The following SGK3 variants were observed in gnomAD, a reference collection of about 807,000 sequenced individuals.
SGK3 encodes the protein serum/glucocorticoid regulated kinase family member 3.
A neutral mutation model predicts 68.5 loss-of-function variants in SGK3; 47 were observed. That is an observed-to-expected ratio of 0.69 (90% confidence interval 0.54 to 0.87). SGK3 has a LOEUF of 0.87. SGK3 is among the 40% of genes least tolerant of loss of function. SGK3 has a pLI of 0.00. For missense variants in SGK3, 479 were observed against 575.5 expected (o/e 0.83, Z 1.72); for synonymous variants, 181 against 189.1 (o/e 0.96, Z 0.35).
chr8:66,723,111 ATATATATATATATATATATATTT>A (rs1348650353), intron 1 of SGK3, among the ~76,000 whole-genome samples: 1 of 46,492 alleles, frequency 2.2e-5, no homozygotes, highest in African/African-American at 8.8e-5. Context: ...ATATATATAT[ATATATATATATATATATATATTT>A]TTTTTTTTTT....
intron 1 of SGK3, among the ~76,000 whole-genome samples, chr8:66,782,992 C>T (rs1807053065): frequency 6.6e-6 from 1 of 152,116 alleles, no homozygotes; most frequent in Admixed American, 6.5e-5. Context: ...TGGGTAAATA[C>T]CAAGGAGTGC....
At chr8:66,815,671 T>C (rs1216090252) in intron 5 of SGK3, among the ~76,000 whole-genome samples, 1 of 152,192 alleles carries the variant, frequency 6.6e-6, no homozygotes, top group East Asian at 1.9e-4. Flanking sequence ...CGAGCGGGCA[T>C]GGAATAAGTA....
At chr8:66,851,981 T>C (rs1810308603) in intron 16 of SGK3, among the ~76,000 whole-genome samples, 1 of 152,172 alleles carries the variant, frequency 6.6e-6, no homozygotes. Flanking sequence ...CATAGCTGGA[T>C]AGTAGAGCCA....
chr8:66,777,092 T>G (rs1447593366), intron 1 of SGK3, among the ~76,000 whole-genome samples: 2 of 152,238 alleles, frequency 1.3e-5, no homozygotes, highest in African/African-American at 2.4e-5. Context: ...ACAATGTGGC[T>G]GCTAAGTTCA....
chr8:66,714,816 C>T (rs1205408822), intron 1 of SGK3, among the ~76,000 whole-genome samples: 1 of 152,050 alleles, frequency 6.6e-6, no homozygotes, highest in Non-Finnish European at 1.5e-5. Flanking sequence ...GAAACTGAGG[C>T]ATGGAAATGT....
At chr8:66,838,266 A>G (rs1809620806) in intron 10 of SGK3, among the ~76,000 whole-genome samples, 1 of 152,072 alleles carries the variant, frequency 6.6e-6, no homozygotes, top group Non-Finnish European at 1.5e-5. Context: ...GGGTTTCGCC[A>G]TGTTGGCCAG....
At chr8:66,748,575 G>A (rs1805715561) in intron 1 of SGK3, among the ~76,000 whole-genome samples, 1 of 152,076 alleles carries the variant, frequency 6.6e-6, no homozygotes, top group Non-Finnish European at 1.5e-5. Flanking sequence ...CCAGCATCTC[G>A]ATCCTCCTGG....
chr8:66,832,138 A>G (rs1809327504), intron 8 of SGK3, among the ~76,000 whole-genome samples: 1 of 152,156 alleles, frequency 6.6e-6, no homozygotes, highest in Admixed American at 6.5e-5. Flanking sequence ...TAACAGTTTG[A>G]GAAGGAAACG....
At chr8:66,724,174 A>G (rs533343349) in intron 1 of SGK3, among the ~76,000 whole-genome samples, 2 of 152,216 alleles carry the variant, frequency 1.3e-5, no homozygotes, top group African/African-American at 4.8e-5. Context: ...GGGTCTAGTG[A>G]GGATCCTGTT....
At position 66,846,928 on chromosome 8, in the gene SGK3, C is replaced by A. The variant is rs563885672; in HGVS notation, c.1075-265C>A. Among the ~76,000 whole-genome samples, 5 of 152,298 alleles carry A rather than the reference C, an allele frequency of 3.3e-5. No homozygotes were observed. In the East Asian group the frequency reaches 9.6e-4, roughly 29 times the overall value. ...GTTTTCTCTAAAACAGGTACTACTACAAGTTGTATATAATTTAACAGCTGT... is the reference window on the plus strand; with the variant it reads ...GTTTTCTCTAAAACAGGTACTACTAAAAGTTGTATATAATTTAACAGCTGT... On this transcript the variant is annotated intron_variant, in intron 14 of 16. Transcript: ENST00000521198.
chr8:66,804,528 T>C, intron 4 of SGK3, 81 bp downstream of exon 4: 1 of 1,388,332 alleles, frequency 7.2e-7, no homozygotes, highest in Non-Finnish European at 1.0e-6. Flanking sequence ...TTGCACTGTA[T>C]AGCAGTGCAG....
intron 1 of SGK3, among the ~76,000 whole-genome samples, chr8:66,729,410 C>T (rs537312913): frequency 6.6e-6 from 1 of 151,966 alleles, no homozygotes; most frequent in East Asian, 1.9e-4. Context: ...GAGCCGAGAT[C>T]GCGCCACTGC....
chr8:66,723,125 ATATATATTTT>A (rs1404617476), intron 1 of SGK3, among the ~76,000 whole-genome samples: 34 of 52,190 alleles, frequency 6.5e-4, no homozygotes, highest in Non-Finnish European at 9.3e-4. Context: ...ATATATATAT[ATATATATTTT>A]TTTTTTTTTT....
chr8:66,826,338 CAGA>C (rs1368566311), intron 6 of SGK3, among the ~76,000 whole-genome samples: 2 of 152,268 alleles, frequency 1.3e-5, no homozygotes, highest in East Asian at 3.9e-4. Flanking sequence ...CATTCATTAA[CAGA>C]AGAAGTGTAT....
At chr8:66,793,935 A>C in intron 2 of SGK3, 103 bp downstream of exon 2, 4 of 1,174,256 alleles carry the variant, frequency 3.4e-6, no homozygotes, top group Non-Finnish European at 3.6e-6. Flanking sequence ...CCCCATCTCC[A>C]CATACCTAGA....
chr8:66,713,735 A>G (rs1200267636), intron 1 of SGK3, among the ~76,000 whole-genome samples: 3 of 152,234 alleles, frequency 2.0e-5, no homozygotes, highest in Admixed American at 2.0e-4. Flanking sequence ...TAAATATTAA[A>G]TCAAATTCTT....
At chr8:66,807,420 A>G (rs1808212040) in intron 4 of SGK3, among the ~76,000 whole-genome samples, 1 of 152,352 alleles carries the variant, frequency 6.6e-6, no homozygotes, top group Middle Eastern at 3.4e-3. Flanking sequence ...TGTTAAAGGC[A>G]AGATACCAGG....
In SGK3 at chr8:66,715,892, A is replaced by G. The variant is rs573031339; in HGVS notation, c.-122+3059A>G. Among the ~76,000 whole-genome samples, 10 of 152,130 alleles carry G rather than the reference A, an allele frequency of 6.6e-5. No individual in the cohort carries two copies. The South Asian group carries it at 2.1e-3, about 32-fold the overall frequency. ...CATGAGGTGTATTAGGCAGTAAGAAACCCTTAATGAAGCCAGACTGAGTCA... is the reference window on the plus strand; with the variant it reads ...CATGAGGTGTATTAGGCAGTAAGAAGCCCTTAATGAAGCCAGACTGAGTCA... On this transcript the variant is annotated intron_variant, in intron 1 of 16. Coordinates refer to ENST00000521198, the MANE Select transcript of SGK3 (RefSeq NM_001033578.3).
intron 1 of SGK3, among the ~76,000 whole-genome samples, chr8:66,720,188 G>A (rs774749198): frequency 1.3e-5 from 2 of 152,158 alleles, no homozygotes; most frequent in Non-Finnish European, 2.9e-5. Flanking sequence ...ATGAGAGTCC[G>A]TCAATATTCG....
Sources: gnomAD v4.1 joint callset for allele counts (sites outside exome capture counted in the v4.1 genomes callset) on GRCh38, gnomAD v4.1.1 for gene constraint, MANE v1.5 for transcripts, NCBI Gene and HGNC (gene_info 2026-07-23, HGNC 2026-07-21) for gene names.